Variants in REDIC1 observed in about 807,000 individuals in gnomAD.
The protein encoded by REDIC1 is regulator of DNA class I crossover intermediates 1, also known as HEI10 Interacting Protein 1.
the REDIC1 span, among the ~76,000 whole-genome samples, chr12:39,859,316 GT>G: frequency 3.8e-3 from 354 of 94,322 alleles, 3 homozygotes; most frequent in African/African-American, 0.013. Context: ...AAAGCTGGCA[GT>G]TTTTTTTTTT....
At chr12:39,680,310 G>A in the REDIC1 span, among the ~76,000 whole-genome samples, 10 of 151,992 alleles carry the variant, frequency 6.6e-5, no homozygotes, top group Non-Finnish European at 1.3e-4. Context: ...TCAAAAAATG[G>A]GCTAAGTATG....
At chr12:39,797,549 G>A in the REDIC1 span, among the ~76,000 whole-genome samples, 1 of 152,128 alleles carries the variant, frequency 6.6e-6, no homozygotes, top group Non-Finnish European at 1.5e-5. Flanking sequence ...AAATATTTTA[G>A]TCAATTTCAC....
the REDIC1 span, among the ~76,000 whole-genome samples, chr12:39,832,790 C>T: frequency 6.6e-6 from 1 of 152,052 alleles, no homozygotes; most frequent in Admixed American, 6.6e-5. Context: ...TTCCCTTCTC[C>T]TCTATCATTC....
chr12:39,853,249 T>G, the REDIC1 span, among the ~76,000 whole-genome samples: 174 of 152,272 alleles, frequency 1.1e-3, no homozygotes, highest in Non-Finnish European at 2.1e-3. Context: ...GGGCTTGATA[T>G]CCTTTGTGGA....
the REDIC1 span, chr12:39,683,435 C>T: frequency 6.2e-7 from 1 of 1,600,504 alleles, no homozygotes. Flanking sequence ...AAATGATTAC[C>T]AAGAGAAGAC....
the REDIC1 span, among the ~76,000 whole-genome samples, chr12:39,695,907 G>C: frequency 6.6e-6 from 1 of 152,204 alleles, no homozygotes; most frequent in Non-Finnish European, 1.5e-5. Flanking sequence ...AGAACAGAGA[G>C]AGAGACTGTT....
the REDIC1 span, among the ~76,000 whole-genome samples, chr12:39,731,090 G>A: frequency 6.6e-6 from 1 of 152,054 alleles, no homozygotes. Context: ...CCTTGCATTG[G>A]GTTAGAACAC....
chr12:39,703,319 G>T, the REDIC1 span, among the ~76,000 whole-genome samples: 1 of 150,312 alleles, frequency 6.7e-6, no homozygotes, highest in Non-Finnish European at 1.5e-5. Flanking sequence ...AATCATGAGT[G>T]AACTCCCATT....
At chr12:39,634,957 A>G in the REDIC1 span, among the ~76,000 whole-genome samples, 3 of 152,322 alleles carry the variant, frequency 2.0e-5, no homozygotes, top group East Asian at 1.9e-4. Flanking sequence ...AAACAACCCC[A>G]TCAAAAAGTG....
the REDIC1 span, among the ~76,000 whole-genome samples, chr12:39,803,068 G>T: frequency 6.6e-6 from 1 of 152,234 alleles, no homozygotes; most frequent in East Asian, 1.9e-4. Flanking sequence ...TTTCAGAAAG[G>T]AGAAGTAAAG....
chr12:39,873,165 C>G, the REDIC1 span, among the ~76,000 whole-genome samples: 1 of 152,004 alleles, frequency 6.6e-6, no homozygotes, highest in Non-Finnish European at 1.5e-5. Flanking sequence ...AATTAATAAA[C>G]CAAACCTATA....
chr12:39,634,361 A>G, the REDIC1 span, among the ~76,000 whole-genome samples: 2 of 152,170 alleles, frequency 1.3e-5, no homozygotes, highest in Non-Finnish European at 2.9e-5. Context: ...AGCTGGAGGC[A>G]TCACGCTGCC....
chr12:39,699,298 G>T, the REDIC1 span, among the ~76,000 whole-genome samples: 1 of 152,184 alleles, frequency 6.6e-6, no homozygotes, highest in African/African-American at 2.4e-5. Context: ...GAAGCGAAAG[G>T]GGTCAGGGAG....
chr12:39,885,834 C>T, the REDIC1 span, among the ~76,000 whole-genome samples: 9 of 152,216 alleles, frequency 5.9e-5, no homozygotes, highest in Admixed American at 5.9e-4. Flanking sequence ...CCTCTTTGTC[C>T]AGCTCCAGCC....
At chr12:39,896,344 A>G in the REDIC1 span, among the ~76,000 whole-genome samples, 67 of 134,528 alleles carry the variant, frequency 5.0e-4, 1 homozygote, top group African/African-American at 1.9e-3. Flanking sequence ...ATGTATACAT[A>G]TATGTATGTA....
At chr12:39,830,245 G>A in the REDIC1 span, 3 of 1,609,396 alleles carry the variant, frequency 1.9e-6, no homozygotes, top group Non-Finnish European at 2.5e-6. Flanking sequence ...AATGAAAAGA[G>A]TTACCGTCAT....
the REDIC1 span, among the ~76,000 whole-genome samples, chr12:39,707,588 C>T: frequency 2.4e-4 from 36 of 151,884 alleles, 1 homozygote; most frequent in African/African-American, 8.2e-4. Flanking sequence ...TTCACAATAT[C>T]CAAGATTTGG....
At chr12:39,744,697 GTAAA>G in the REDIC1 span, among the ~76,000 whole-genome samples, 2 of 151,946 alleles carry the variant, frequency 1.3e-5, no homozygotes, top group Non-Finnish European at 2.9e-5. Context: ...AATAAATAGT[GTAAA>G]TAAATAAATA....
At chr12:39,781,345 A>C in the REDIC1 span, among the ~76,000 whole-genome samples, 1 of 151,270 alleles carries the variant, frequency 6.6e-6, no homozygotes, top group Non-Finnish European at 1.5e-5. Context: ...CAGTCTCCTA[A>C]AAAGAGCCCA....
Sources: allele counts gnomAD v4.1 joint callset (sites outside exome capture counted in the v4.1 genomes callset), GRCh38; gene constraint gnomAD v4.1.1; transcripts MANE v1.5; gene names NCBI Gene and HGNC (gene_info 2026-07-23, HGNC 2026-07-21).